LDAH: variants seen among roughly 807,000 people sequenced by gnomAD.
LDAH encodes the protein lipid droplet associated hydrolase.
A neutral mutation model predicts 29.6 loss-of-function variants in LDAH; 26 were observed. That is an observed-to-expected ratio of 0.88 (90% confidence interval 0.64 to 1.22). The LOEUF is 1.22. Ranked by LOEUF, LDAH falls within the 50% of genes most tolerant of loss-of-function variation. The pLI is 0.00. For synonymous variants in LDAH, 117 were observed against 133.0 expected (o/e 0.88, Z 0.83); for missense variants, 344 against 387.3 (o/e 0.89, Z 0.94).
At chr2:20,722,650 CT>C (rs2149401560) in intron 5 of LDAH, among the ~76,000 whole-genome samples, 1 of 152,224 alleles carries the variant, frequency 6.6e-6, no homozygotes, top group African/African-American at 2.4e-5. Flanking sequence ...CCCATTTACC[CT>C]AATCTGATCA....
intron 4 of LDAH, among the ~76,000 whole-genome samples, chr2:20,742,619 G>A (rs1225274047): frequency 6.6e-6 from 1 of 151,794 alleles, no homozygotes; most frequent in East Asian, 1.9e-4. Flanking sequence ...AGCTACTCCT[G>A]TTTTCTTTTG....
rs756664483 is a variant in LDAH, at chr2:20,686,944, T to C, written c.937A>G (p.Met313Val). ...TCATCCTTTAGGGAGTCAGCAATCA[T>C]GTCTGCCATTTCCTGGTTAAAATGG... ...ITHFNQEMADMIADSLKDDLS... is the reference protein window; with the variant it reads ...ITHFNQEMADVIADSLKDDLS... Residue 313 changes from methionine to valine, a missense_variant, in exon 7 of 7, where the codon ATG becomes GTG. Coordinates refer to ENST00000237822, the MANE Select transcript of LDAH (RefSeq NM_021925.4). 2 of 1,614,084 alleles carry C rather than the reference T, an allele frequency of 1.2e-6. No homozygotes were observed. Among genetic ancestry groups the C allele is most frequent in the Non-Finnish European group, 1.7e-6 (2 of 1,179,972 alleles).
intron 1 of LDAH, among the ~76,000 whole-genome samples, chr2:20,818,962 T>C (rs1306449239): frequency 6.6e-6 from 1 of 152,148 alleles, no homozygotes; most frequent in Non-Finnish European, 1.5e-5. Context: ...CACCTACTTT[T>C]GCTGTATTTG....
rs149965153 is a variant in LDAH, at chr2:20,728,229, G to A, written c.703+11742C>T. 2.4e-3 allele frequency among the ~76,000 whole-genome samples: 360 copies of A among 152,224 alleles called. 3 individuals carry two copies. Among genetic ancestry groups the A allele is most frequent in the African/African-American group, 8.0e-3 (333 of 41,558 alleles). ...CTGAAGCACAGACATTACATAATCT[G>A]CAAACACTGCAAAGCCTCCTAAAAG... On this transcript the variant is annotated intron_variant, in intron 5 of 6. Transcript: ENST00000237822.
chr2:20,735,919 G>A (rs992039353), intron 5 of LDAH, among the ~76,000 whole-genome samples: 3 of 152,068 alleles, frequency 2.0e-5, no homozygotes, highest in African/African-American at 7.2e-5. Flanking sequence ...GACCTTTACT[G>A]ATAATATGGG....
chr2:20,683,713 C>G (rs1662378055), downstream of LDAH, among the ~76,000 whole-genome samples: 1 of 152,122 alleles, frequency 6.6e-6, no homozygotes, highest in African/African-American at 2.4e-5. Context: ...CCACAGGGTC[C>G]TCTGCTACAC....
intron 5 of LDAH, among the ~76,000 whole-genome samples, chr2:20,730,191 AGTTT>A (rs1174211485): frequency 1.3e-5 from 2 of 152,126 alleles, no homozygotes; most frequent in Non-Finnish European, 2.9e-5. Context: ...GCTTTACCAC[AGTTT>A]GTTTAATAAT....
intron 1 of LDAH, among the ~76,000 whole-genome samples, chr2:20,808,575 A>C (rs1672246971): frequency 1.3e-5 from 2 of 151,842 alleles, no homozygotes; most frequent in Non-Finnish European, 1.5e-5. Flanking sequence ...GAGGCAGGAG[A>C]ATCGCTTGGG....
intron 4 of LDAH, among the ~76,000 whole-genome samples, chr2:20,764,593 C>G (rs1320629940): frequency 6.6e-6 from 1 of 152,230 alleles, no homozygotes; most frequent in African/African-American, 2.4e-5. Context: ...TCAGTTCTCT[C>G]TGAACTCCTC....
At chr2:20,818,382 A>G (rs1307022902) in intron 1 of LDAH, among the ~76,000 whole-genome samples, 1 of 152,194 alleles carries the variant, frequency 6.6e-6, no homozygotes, top group Non-Finnish European at 1.5e-5. Flanking sequence ...ATAGCCCTAT[A>G]TAAACTTGAA....
chr2:20,721,929 A>G (rs1665677795), intron 5 of LDAH, among the ~76,000 whole-genome samples: 1 of 152,248 alleles, frequency 6.6e-6, no homozygotes. Flanking sequence ...AAAATGTGGT[A>G]TATACACATA....
In LDAH at chr2:20,788,948, T is replaced by C. The variant is rs1030018164; in HGVS notation, c.298+1307A>G. On this transcript the variant is annotated intron_variant, in intron 3 of 6. Transcript: ENST00000237822. ...AAGGAGGTAGTTTGCATCTCCATGG[T>C]ATTACTTCTTCCATTTAGAAACCTT... The C allele has an allele frequency of 8.0e-5, 46 of 574,918 alleles. No homozygotes were observed. In the South Asian group the frequency reaches 9.1e-4, roughly 11 times the overall value. The allele number at this position is 574,918 out of a possible 1,614,324, so 35.6% of individuals were successfully genotyped here.
Position 20,774,879 on chromosome 2 carries a change from A to T in LDAH, c.399T>A (p.Leu133=). The T allele has an allele frequency of 6.2e-7, 1 of 1,613,742 alleles. No homozygotes were observed. The highest frequency in any genetic ancestry group is 8.5e-7 in the Non-Finnish European group (1 of 1,179,972). Reference sequence around the variant, plus strand: ...TGCCTATTGAATGGCCAATGAGCACAAGTTTCATGTCCTTTGGCACATGAG... The same window carrying T: ...TGCCTATTGAATGGCCAATGAGCACTAGTTTCATGTCCTTTGGCACATGAG... The part of the protein sequence containing the change: ...LRTHVPKDMK[L]VLIGHSIGSY... The change falls in exon 4 of 7, where the codon CTT becomes CTA. Residue 133 remains leucine (L), a synonymous_variant. Coordinates refer to ENST00000237822, the MANE Select transcript of LDAH (RefSeq NM_021925.4).
intron 4 of LDAH, among the ~76,000 whole-genome samples, chr2:20,767,293 C>A (rs1669107451): frequency 6.6e-6 from 1 of 152,114 alleles, no homozygotes; most frequent in Non-Finnish European, 1.5e-5. Context: ...CTGGGAAGTC[C>A]CCCCTCCCTT....
intron 5 of LDAH, among the ~76,000 whole-genome samples, chr2:20,724,524 G>A (rs369901995): frequency 6.6e-6 from 1 of 152,286 alleles, no homozygotes; most frequent in South Asian, 2.1e-4. Flanking sequence ...AGCGGGGTGG[G>A]GAGGAAGTGG....
chr2:20,725,431 CA>C (rs1665944226), intron 5 of LDAH, among the ~76,000 whole-genome samples: 1 of 152,096 alleles, frequency 6.6e-6, no homozygotes, highest in African/African-American at 2.4e-5. Flanking sequence ...CTTATCTTGC[CA>C]AGGGTTACAA....
chr2:20,685,521 A>G lies in LDAH; in HGVS notation c.*1382T>C. On this transcript the variant is annotated 3_prime_UTR_variant, in exon 7 of 7. Coordinates refer to ENST00000237822, the MANE Select transcript of LDAH (RefSeq NM_021925.4). Reference sequence around the variant, plus strand: ...TGCTGTGATGTAGAAGCTATGCCAAAGCACAGTAACTCATTCAGCACTTAC... The same window carrying G: ...TGCTGTGATGTAGAAGCTATGCCAAGGCACAGTAACTCATTCAGCACTTAC... 6.5e-7 allele frequency: 1 copy of G among 1,548,690 alleles called. No homozygotes were observed. Among genetic ancestry groups the G allele is most frequent in the Non-Finnish European group, 8.7e-7 (1 of 1,146,222 alleles).
chr2:20,734,611 CTGTG>C (rs1666652846), intron 5 of LDAH, among the ~76,000 whole-genome samples: 1 of 152,154 alleles, frequency 6.6e-6, no homozygotes, highest in African/African-American at 2.4e-5. Flanking sequence ...AATATTTCCT[CTGTG>C]TATGTTTAGA....
chr2:20,738,941 T>C (rs1443304280), intron 5 of LDAH, among the ~76,000 whole-genome samples: 1 of 152,232 alleles, frequency 6.6e-6, no homozygotes, highest in East Asian at 1.9e-4. Flanking sequence ...CAGCTGAGCA[T>C]GGAAAACTTT....
Sources: allele counts gnomAD v4.1 joint callset (sites outside exome capture counted in the v4.1 genomes callset), GRCh38; gene constraint gnomAD v4.1.1; transcripts MANE v1.5; gene names NCBI Gene and HGNC (gene_info 2026-07-23, HGNC 2026-07-21).